CXADR: variants seen among roughly 807,000 people sequenced by gnomAD.
CXADR encodes the protein coxsackievirus and adenovirus receptor.
Under a neutral mutation model 40.3 loss-of-function variants are expected in CXADR, and 20 were observed. That is an observed-to-expected ratio of 0.50 (90% CI 0.35 to 0.72). The LOEUF is 0.72. CXADR is among the 30% of genes least tolerant of loss of function. The pLI is 0.01. For synonymous variants in CXADR, 150 were observed against 161.3 expected (o/e 0.93, Z 0.53); for missense variants, 332 against 449.1 (o/e 0.74, Z 2.36).
At chr21:17,627,659 T>C in the CXADR span, among the ~76,000 whole-genome samples, 1 of 152,146 alleles carries the variant, frequency 6.6e-6, no homozygotes, top group Non-Finnish European at 1.5e-5. Flanking sequence ...GTCACTTGAA[T>C]ACCAGAGCAA....
At chr21:17,623,225 A>G in the CXADR span, among the ~76,000 whole-genome samples, 2 of 152,134 alleles carry the variant, frequency 1.3e-5, no homozygotes, top group Non-Finnish European at 2.9e-5. Context: ...TACAGGTGTG[A>G]GCCACTACAC....
chr21:17,569,213 C>T lies in CXADR; in HGVS notation c.*3521C>T. ...GAGTTTTTTCTTCTAATTTTCACTT[C>T]AGCAGTGTTTAGGGCTTTCAGATGC... On this transcript the variant is annotated 3_prime_UTR_variant, in exon 7 of 7. Coordinates refer to ENST00000284878, the MANE Select transcript of CXADR (RefSeq NM_001338.5). 8 of 985,342 alleles carry T rather than the reference C, an allele frequency of 8.1e-6. No homozygotes were observed. Among genetic ancestry groups the T allele is most frequent in the Non-Finnish European group, 8.4e-6 (7 of 829,922 alleles). The allele number at this position is 985,342 out of a possible 1,614,324, so 61.0% of individuals were successfully genotyped here. A position where few individuals can be genotyped will look rare whatever the true frequency, so the allele number is the denominator to read the frequency against.
At chr21:17,625,319 G>A in the CXADR span, among the ~76,000 whole-genome samples, 1 of 151,830 alleles carries the variant, frequency 6.6e-6, no homozygotes, top group Admixed American at 6.6e-5. Flanking sequence ...ATCTCCTGAA[G>A]CTCTGAAAGA....
At chr21:17,523,839 G>T (rs1438810304) in intron 1 of CXADR, among the ~76,000 whole-genome samples, 2 of 151,826 alleles carry the variant, frequency 1.3e-5, no homozygotes, top group Non-Finnish European at 2.9e-5. Context: ...ATTGGGTTTG[G>T]ATTTAGGTTG....
intron 1 of CXADR, among the ~76,000 whole-genome samples, chr21:17,514,795 G>A (rs1309002995): frequency 1.3e-5 from 2 of 151,724 alleles, no homozygotes; most frequent in Non-Finnish European, 2.9e-5. Context: ...CACCATGCCC[G>A]GCTAACTTTT....
In CXADR at chr21:17,536,482, C is replaced by G. The variant is rs1005537057; in HGVS notation, c.44-10545C>G. 2.6e-5 allele frequency among the ~76,000 whole-genome samples: 4 copies of G among 152,242 alleles called. No individual in the cohort carries two copies. The East Asian group carries it at 7.8e-4, about 30-fold the overall frequency. On this transcript the variant is annotated intron_variant, in intron 1 of 6. Coordinates refer to ENST00000284878, the MANE Select transcript of CXADR (RefSeq NM_001338.5). ...TATGGTCCTCTCTCCCATCACCGGTCTGCCTTCAGATAGCTCCTTCCTTTC... is the reference window on the plus strand; with the variant it reads ...TATGGTCCTCTCTCCCATCACCGGTGTGCCTTCAGATAGCTCCTTCCTTTC...
chr21:17,586,785 C>T (rs950587782), intron 7 of CXADR, among the ~76,000 whole-genome samples: 4 of 151,926 alleles, frequency 2.6e-5, no homozygotes, highest in East Asian at 3.9e-4. Flanking sequence ...ATGTGCACAA[C>T]GTGCAGGTTT....
the CXADR span, among the ~76,000 whole-genome samples, chr21:17,625,789 T>C: frequency 2.2e-4 from 33 of 152,364 alleles, no homozygotes; most frequent in African/African-American, 7.9e-4. Flanking sequence ...CAGATGATTC[T>C]AGCACCGGAG....
the CXADR span, among the ~76,000 whole-genome samples, chr21:17,623,300 A>T: frequency 3.3e-5 from 5 of 152,084 alleles, no homozygotes; most frequent in African/African-American, 1.2e-4. Flanking sequence ...TATTTCTTTG[A>T]TGTATTTTTT....
chr21:17,534,185 G>A (rs2060723573), intron 1 of CXADR, among the ~76,000 whole-genome samples: 1 of 133,140 alleles, frequency 7.5e-6, no homozygotes, highest in Non-Finnish European at 1.5e-5. Flanking sequence ...TTGGCTCACT[G>A]CAACCTCTGC....
At chr21:17,563,775 A>C (rs1395233606) in intron 6 of CXADR, among the ~76,000 whole-genome samples, 1 of 151,352 alleles carries the variant, frequency 6.6e-6, no homozygotes, top group African/African-American at 2.4e-5. Context: ...CCCCGTCTCT[A>C]CTAAAAATAC....
chr21:17,571,155 A>AT (rs1259788541), downstream of CXADR, among the ~76,000 whole-genome samples: 1 of 152,196 alleles, frequency 6.6e-6, no homozygotes, highest in Non-Finnish European at 1.5e-5. Context: ...CTACTCGGCG[A>AT]TTAAAAGGTG....
At chr21:17,548,090 AG>A (rs1345952456) in intron 2 of CXADR, among the ~76,000 whole-genome samples, 1 of 152,164 alleles carries the variant, frequency 6.6e-6, no homozygotes, top group African/African-American at 2.4e-5. Flanking sequence ...ATATTAGATC[AG>A]GGAGAGGAAA....
chr21:17,598,998 CCA>C, the CXADR span: 11 of 520,234 alleles, frequency 2.1e-5, no homozygotes, highest in South Asian at 1.6e-4. Context: ...AGCAAGCAAA[CCA>C]CAGTTTTCTA....
intron 3 of CXADR, among the ~76,000 whole-genome samples, chr21:17,556,848 G>C (rs1271262833): frequency 6.6e-6 from 1 of 152,214 alleles, no homozygotes; most frequent in Non-Finnish European, 1.5e-5. Context: ...GAAAGAGTAA[G>C]GTCATGGTTG....
chr21:17,579,330 G>A (rs1033371086), intron 7 of CXADR, among the ~76,000 whole-genome samples: 8 of 151,472 alleles, frequency 5.3e-5, no homozygotes, highest in African/African-American at 1.5e-4. Context: ...TGTCACCCAG[G>A]CTGGAGTGCA....
At chr21:17,591,293 T>C (rs1266220695) in intron 7 of CXADR, among the ~76,000 whole-genome samples, 2 of 152,028 alleles carry the variant, frequency 1.3e-5, no homozygotes, top group Non-Finnish European at 2.9e-5. Flanking sequence ...CCTGAGGCTG[T>C]GATGATTAAA....
chr21:17,552,013 C>A, intron 3 of CXADR, 60 bp downstream of exon 3: 1 of 1,253,998 alleles, frequency 8.0e-7, no homozygotes, highest in Non-Finnish European at 1.2e-6. Context: ...AGTCATAGTA[C>A]TGTAGTAGCA....
intron 1 of CXADR, among the ~76,000 whole-genome samples, chr21:17,538,501 T>A (rs2060788481): frequency 6.6e-6 from 1 of 152,136 alleles, no homozygotes; most frequent in African/African-American, 2.4e-5. Context: ...GTCAGTGACG[T>A]CTTTTTTACA....
Sources: gnomAD v4.1 joint callset for allele counts (sites outside exome capture counted in the v4.1 genomes callset) on GRCh38, gnomAD v4.1.1 for gene constraint, MANE v1.5 for transcripts, NCBI Gene and HGNC (gene_info 2026-07-23, HGNC 2026-07-21) for gene names.